Variants in DLG2 observed in about 807,000 individuals in gnomAD.
DLG2 encodes discs large MAGUK scaffold protein 2.
In DLG2, 45 loss-of-function variants were observed where a neutral mutation model predicts 132.5. The observed-to-expected ratio is 0.34, with a 90% confidence interval of 0.27 to 0.44. The LOEUF (loss-of-function observed/expected upper bound fraction) is 0.44, where lower values mean the gene tolerates loss of function less well. Ranked by LOEUF, DLG2 falls within the 20% of genes least tolerant of loss-of-function variation. DLG2 has a pLI of 1.00. For missense variants in DLG2, 1,045 were observed against 1,196.9 expected, an observed-to-expected ratio of 0.87 and a Z score of 1.87; for synonymous variants, 424 against 419.6, an observed-to-expected ratio of 1.01 and a Z score of -0.13.
chr11:84,156,703 T>C (rs1392601239), intron 9 of DLG2, among the ~76,000 whole-genome samples: 1 of 152,202 alleles, frequency 6.6e-6, no homozygotes, highest in Non-Finnish European at 1.5e-5. Context: ...ACAAAATGAC[T>C]TATAGAGAAA....
At chr11:83,582,117 C>T (rs995854208) in intron 19 of DLG2, among the ~76,000 whole-genome samples, 6 of 151,900 alleles carry the variant, frequency 3.9e-5, no homozygotes, top group African/African-American at 9.7e-5. Context: ...CCATCACACC[C>T]GGCTAATTTT....
chr11:84,175,368 G>T (rs1029011321), intron 8 of DLG2, among the ~76,000 whole-genome samples: 7 of 151,982 alleles, frequency 4.6e-5, no homozygotes, highest in African/African-American at 1.7e-4. Flanking sequence ...GCCCCTAGTA[G>T]CCGCATTATA....
rs569347360 is a variant in DLG2 at position 84,403,222 on chromosome 11, G to C, written c.519+131348C>G. On this transcript the variant is annotated intron_variant, in intron 7 of 27. Coordinates refer to ENST00000376104, the MANE Select transcript of DLG2 (RefSeq NM_001142699.3). ...TTGGGAGTCACTCAAAAACTGCTGT[G>C]GTAGTGACAAAGCTATTCATGGCAT... Among the ~76,000 whole-genome samples the C allele has an allele frequency of 3.3e-5, 5 of 152,212 alleles. No individual in the cohort carries two copies. In the South Asian group the frequency reaches 1.0e-3, roughly 32 times the overall value.
intron 19 of DLG2, among the ~76,000 whole-genome samples, chr11:83,611,561 A>C (rs2060114482): frequency 6.6e-6 from 1 of 152,220 alleles, no homozygotes; most frequent in African/African-American, 2.4e-5. Context: ...TCCTTTAATT[A>C]AGACTTTTAC....
intron 6 of DLG2, among the ~76,000 whole-genome samples, chr11:85,108,618 A>G (rs2072204615): frequency 6.6e-6 from 1 of 152,012 alleles, no homozygotes; most frequent in African/African-American, 2.4e-5. Flanking sequence ...TTTTAAATAT[A>G]CCCAAGTGTT....
chr11:83,854,001 T>A (rs2060149668), intron 16 of DLG2, among the ~76,000 whole-genome samples: 1 of 152,058 alleles, frequency 6.6e-6, no homozygotes, highest in Admixed American at 6.6e-5. Flanking sequence ...TGCCAAAATC[T>A]CCTGGAACTA....
At chr11:84,261,613 G>A (rs951104484) in intron 7 of DLG2, among the ~76,000 whole-genome samples, 1 of 152,164 alleles carries the variant, frequency 6.6e-6, no homozygotes, top group African/African-American at 2.4e-5. Context: ...TTTTATACAT[G>A]TTGATAGCTA....
chr11:83,564,593 G>A lies in DLG2; in HGVS notation c.1941-22735C>T, dbSNP rs112117865. Among the ~76,000 whole-genome samples, 95 of 152,222 alleles carry A rather than the reference G, an allele frequency of 6.2e-4. 1 individual carries two copies. The highest frequency in any genetic ancestry group is 2.1e-3 in the African/African-American group (88 of 41,540). ...AAAAATTCTGGCATCTATGTTTTTG[G>A]GGTTTACTGAGGGATCTAACCCTCC... On this transcript the variant is annotated intron_variant, in intron 19 of 27. Transcript: ENST00000376104.
At chr11:84,938,395 GAATTT>G (rs565715688) in intron 6 of DLG2, among the ~76,000 whole-genome samples, 87 of 152,198 alleles carry the variant, frequency 5.7e-4, no homozygotes, top group African/African-American at 2.0e-3. Flanking sequence ...CATAAATTAT[GAATTT>G]AATTACATAT....
intron 3 of DLG2, among the ~76,000 whole-genome samples, chr11:85,427,318 T>A (rs1020692695): frequency 4.8e-4 from 73 of 152,074 alleles, no homozygotes; most frequent in African/African-American, 1.8e-3. Flanking sequence ...CCAAGACACA[T>A]AATTGTCAGA....
At chr11:85,164,415 TATAC>T in intron 4 of DLG2, among the ~76,000 whole-genome samples, 1 of 152,302 alleles carries the variant, frequency 6.6e-6, no homozygotes, top group Non-Finnish European at 1.5e-5. Context: ...TTGTCCCATA[TATAC>T]ATACATACAA....
intron 3 of DLG2, among the ~76,000 whole-genome samples, chr11:85,470,246 T>TA (rs1263848231): frequency 2.7e-5 from 4 of 148,216 alleles, no homozygotes; most frequent in African/African-American, 7.4e-5. Context: ...CCCAATCATT[T>TA]AAAATAGAAA....
At chr11:84,914,471 T>C (rs1435381921) in intron 6 of DLG2, among the ~76,000 whole-genome samples, 1 of 152,214 alleles carries the variant, frequency 6.6e-6, no homozygotes, top group Admixed American at 6.5e-5. Context: ...CAACGGATGC[T>C]CAAACTTCAA....
chr11:85,619,315 C>T (rs2081543225), intron 2 of DLG2, among the ~76,000 whole-genome samples: 1 of 151,956 alleles, frequency 6.6e-6, no homozygotes, highest in African/African-American at 2.4e-5. Flanking sequence ...GTAACTGGGA[C>T]TATAGGCACA....
chr11:84,736,860 T>G (rs2063900531), intron 6 of DLG2, among the ~76,000 whole-genome samples: 1 of 151,996 alleles, frequency 6.6e-6, no homozygotes, highest in Admixed American at 6.6e-5. Context: ...TTCTTTTTCT[T>G]TACTGATTAT....
intron 7 of DLG2, among the ~76,000 whole-genome samples, chr11:84,526,390 A>G (rs1316932150): frequency 6.6e-6 from 1 of 152,186 alleles, no homozygotes; most frequent in Non-Finnish European, 1.5e-5. Context: ...CAAAACAAAA[A>G]TAAGATGCAG....
At chr11:85,575,588 T>TG (rs1352801044) in intron 3 of DLG2, among the ~76,000 whole-genome samples, 1 of 151,728 alleles carries the variant, frequency 6.6e-6, no homozygotes, top group Non-Finnish European at 1.5e-5. Context: ...AGTGTGCTCC[T>TG]GGTATTCCTG....
rs144785161 is a variant in DLG2 at position 83,959,450 on chromosome 11, G to A, written c.1340+3435C>T. On this transcript the variant is annotated intron_variant, in intron 14 of 27. Coordinates refer to ENST00000376104, the MANE Select transcript of DLG2 (RefSeq NM_001142699.3). Reference sequence around the variant, plus strand: ...ATGTTTCCCTACTGGCCCAAGTTCCGTTATTAGAGATTTATTTTCTTGATT... The same window carrying A: ...ATGTTTCCCTACTGGCCCAAGTTCCATTATTAGAGATTTATTTTCTTGATT... Among the ~76,000 whole-genome samples the A allele has an allele frequency of 4.0e-3, 614 of 152,132 alleles. 4 individuals carry two copies. The highest frequency in any genetic ancestry group is 0.013 in the African/African-American group (525 of 41,536).
chr11:83,855,182 G>A (rs1056692191), intron 16 of DLG2, among the ~76,000 whole-genome samples: 2 of 152,152 alleles, frequency 1.3e-5, no homozygotes, highest in Non-Finnish European at 2.9e-5. Flanking sequence ...ACAAATGCTG[G>A]CAAGGATGTG....
Sources: allele counts gnomAD v4.1 joint callset (sites outside exome capture counted in the v4.1 genomes callset), GRCh38; gene constraint gnomAD v4.1.1; transcripts MANE v1.5; gene names NCBI Gene and HGNC (gene_info 2026-07-23, HGNC 2026-07-21).